MET: variants seen among roughly 807,000 people sequenced by gnomAD.
The protein encoded by MET is hepatocyte growth factor receptor.
MET carries 48 observed loss-of-function variants against 133.1 expected under a neutral mutation model. The observed-to-expected ratio is 0.36, with a 90% CI of 0.29 to 0.46. MET has a LOEUF of 0.46. Among genes scored for constraint, MET ranks in the 20% least tolerant of loss-of-function variants. The probability of loss-of-function intolerance (pLI) is 1.00; values close to 1 mark genes in which losing one functional copy is unlikely to be tolerated. For synonymous variants in MET, 628 were observed against 616.5 expected (o/e 1.02, Z -0.28); for missense variants, 1,442 against 1,695.9 (o/e 0.85, Z 2.63).
Position 116,763,189 on chromosome 7 carries a change from A to G in MET, c.2504A>G (p.Tyr835Cys). The G allele has an allele frequency of 6.2e-7, 1 of 1,614,060 alleles. No homozygotes were observed. Reference protein sequence around the residue: ...GILSKYFDLIYVHNPVFKPFE... With the variant: ...GILSKYFDLICVHNPVFKPFE... ...CTTTCCAAATACTTTGATCTCATTT[A>G]TGTACATAATCCTGTGTTTAAGCCT... is the stretch of plus-strand genomic sequence containing the variant. Residue 835 changes from tyrosine (Y) to cysteine (C), a missense_variant, in exon 11 of 21, where the codon TAT becomes TGT. Tyr to Cys is a radical substitution (Grantham distance 194). Transcript: ENST00000397752.
At chr7:116,723,414 T>G (rs372394766) in intron 2 of MET, among the ~76,000 whole-genome samples, 126 of 151,750 alleles carry the variant, frequency 8.3e-4, no homozygotes, top group African/African-American at 2.8e-3. Flanking sequence ...CAACTTCTTT[T>G]CCTTTGGTTT....
chr7:116,712,932 C>G (rs559799281), intron 2 of MET, among the ~76,000 whole-genome samples: 2 of 152,150 alleles, frequency 1.3e-5, no homozygotes, highest in African/African-American at 4.8e-5. Flanking sequence ...CAGCACTCAC[C>G]CTTTGAGCGG....
At chr7:116,698,341 T>C (rs1797039684) in intron 1 of MET, among the ~76,000 whole-genome samples, 1 of 152,214 alleles carries the variant, frequency 6.6e-6, no homozygotes, top group Admixed American at 6.5e-5. Context: ...TGTTTTTCCC[T>C]GAGAAGTAGT....
intron 19 of MET, among the ~76,000 whole-genome samples, chr7:116,787,992 C>T (rs1795370327): frequency 6.6e-6 from 1 of 151,996 alleles, no homozygotes; most frequent in Admixed American, 6.6e-5. Context: ...CTAAACCATT[C>T]ATCAACATAA....
chr7:116,684,477 C>T (rs38846), intron 1 of MET, among the ~76,000 whole-genome samples: 124,842 of 152,182 alleles, frequency 0.82, 51,373 homozygotes, highest in East Asian at 0.97. Flanking sequence ...AAGGGGAAGA[C>T]AGGTTTGATG....
intron 12 of MET, 140 bp from the exon 13 acceptor site, chr7:116,771,358 T>A: frequency 2.2e-6 from 2 of 921,302 alleles, no homozygotes; most frequent in South Asian, 2.8e-5. Context: ...TTGAGGAATC[T>A]CTTATTATCC....
chr7:116,778,862 C>T lies in MET; in HGVS notation c.3427C>T (p.Leu1143=), dbSNP rs774334135. The T allele has an allele frequency of 3.1e-5, 50 of 1,613,942 alleles. No homozygotes were observed. In the Admixed American group the frequency reaches 8.3e-4, roughly 27 times the overall value. ...TAGTCATCCCAATGTCCTCTCGCTC[C>T]TGGGAATCTGCCTGCGAAGTGAAGG... ...DFSHPNVLSL[L]GICLRSEGSP... Residue 1143 remains leucine, a synonymous_variant, in exon 17 of 21, where the codon CTG becomes TTG. Coordinates refer to ENST00000397752, the MANE Select transcript of MET (RefSeq NM_000245.4).
At chr7:116,729,574 CT>C (rs1294565381) in intron 2 of MET, among the ~76,000 whole-genome samples, 3 of 152,160 alleles carry the variant, frequency 2.0e-5, no homozygotes, top group Non-Finnish European at 4.4e-5. Flanking sequence ...TAGAGAATTT[CT>C]TACTTCCTAA....
At chr7:116,741,067 G>GTTTTTTTTTTTTTTTTGTT in intron 5 of MET, 42 bp downstream of exon 5, 1 of 1,348,786 alleles carries the variant, frequency 7.4e-7, no homozygotes, top group Non-Finnish European at 1.0e-6. Context: ...TTTGTTTGGT[G>GTTTTTTTTTTTTTTTTGTT]TTTTTTTTTT....
In MET at chr7:116,699,139, G is replaced by C. The variant is rs1486187704; in HGVS notation, c.55G>C (p.Val19Leu). ...PGILVLLFTL[V>L]QRSNGECKEA... Reference sequence around the variant, plus strand: ...CATCCTCGTGCTCCTGTTTACCTTGGTGCAGAGGAGCAATGGGGAGTGTAA... The same window carrying C: ...CATCCTCGTGCTCCTGTTTACCTTGCTGCAGAGGAGCAATGGGGAGTGTAA... The change falls in exon 2 of 21, where the codon GTG becomes CTG. Residue 19 changes from valine (V) to leucine (L), a missense_variant. Val to Leu is a conservative substitution (Grantham distance 32). This residue lies in a region of MET where 762 missense variants were observed against 792.4 expected (regional missense o/e 0.96). Coordinates refer to ENST00000397752, the MANE Select transcript of MET (RefSeq NM_000245.4). The C allele has an allele frequency of 1.2e-6, 2 of 1,613,878 alleles. No homozygotes were observed. The highest frequency in any genetic ancestry group is 1.7e-6 in the Non-Finnish European group (2 of 1,179,888).
At position 116,797,312 on chromosome 7, in the gene MET, A is replaced by C. The variant is rs1483893840; in HGVS notation, c.*1188A>C. On this transcript the variant is annotated 3_prime_UTR_variant, in exon 21 of 21. Coordinates refer to ENST00000397752, the MANE Select transcript of MET (RefSeq NM_000245.4). The stretch of plus-strand genomic sequence containing the variant: ...ATCACAGCTCATAGGTAGAGCAAAG[A>C]AAGGGTGGATGGATTGAAAAGATTA... 1 of 227,162 alleles carries C rather than the reference A, an allele frequency of 4.4e-6. No homozygotes were observed. The highest frequency in any genetic ancestry group is 8.7e-6 in the Non-Finnish European group (1 of 114,468). The allele number at this position is 227,162 out of a possible 1,614,324, so 14.1% of individuals were successfully genotyped here. A position where few individuals can be genotyped will look rare whatever the true frequency, so the allele number is the denominator to read the frequency against.
chr7:116,676,989 T>TG (rs762940258), intron 1 of MET, among the ~76,000 whole-genome samples: 1 of 36,632 alleles, frequency 2.7e-5, no homozygotes, highest in Non-Finnish European at 1.4e-4. Context: ...TGTTGTTTTG[T>TG]TTTTTTTTTT....
At chr7:116,690,009 G>A (rs1006899382) in intron 1 of MET, among the ~76,000 whole-genome samples, 5 of 152,134 alleles carry the variant, frequency 3.3e-5, no homozygotes, top group Non-Finnish European at 7.4e-5. Context: ...AAAACCACAA[G>A]ATGGCTAAAG....
intron 2 of MET, among the ~76,000 whole-genome samples, chr7:116,707,840 T>A (rs1470998796): frequency 6.6e-6 from 1 of 152,182 alleles, no homozygotes; most frequent in Non-Finnish European, 1.5e-5. Flanking sequence ...GTGCAATATT[T>A]TCCATTTATC....
At chr7:116,714,745 G>GCGCACACA (rs1792126756) in intron 2 of MET, among the ~76,000 whole-genome samples, 3 of 145,020 alleles carry the variant, frequency 2.1e-5, no homozygotes, top group African/African-American at 7.7e-5. Context: ...TCACATGCAC[G>GCGCACACA]CACACACACA....
intron 10 of MET, among the ~76,000 whole-genome samples, chr7:116,760,933 G>A (rs1047639092): frequency 1.3e-5 from 2 of 152,142 alleles, no homozygotes; most frequent in African/African-American, 4.8e-5. Flanking sequence ...CCACAACTAA[G>A]CATAACAATG....
chr7:116,719,269 T>C (rs1174214230), intron 2 of MET, among the ~76,000 whole-genome samples: 129 of 126,218 alleles, frequency 1.0e-3, no homozygotes, highest in Middle Eastern at 3.6e-3. Context: ...TTTCATGTGT[T>C]TTTTGGCTGC....
chr7:116,757,066 C>T (rs1584940765), intron 6 of MET, among the ~76,000 whole-genome samples: 1 of 137,700 alleles, frequency 7.3e-6, no homozygotes, highest in Non-Finnish European at 1.6e-5. Context: ...CCATCTCTAC[C>T]AAAAAAAAAA....
chr7:116,775,015 C>A lies in MET; in HGVS notation c.3163C>A (p.Leu1055Ile), dbSNP rs1060503534. ...ACTGCAAAATACTGTCCACATTGAC[C>A]TCAGTGCTCTAAATCCAGAGCTGGT... ...PLLQNTVHID[L>I]SALNPELVQA... The change falls in exon 15 of 21, where the codon CTC (leucine) becomes ATC (isoleucine). Residue 1055 changes from leucine (L) to isoleucine (I), a missense_variant. Physicochemically the swap from Leu to Ile is conservative, Grantham distance 5. Transcript: ENST00000397752. 4.3e-6 allele frequency: 7 copies of A among 1,614,216 alleles called. No individual in the cohort carries two copies. Among genetic ancestry groups the A allele is most frequent in the Middle Eastern group, 1.7e-4 (1 of 6,060 alleles).
Sources: gnomAD v4.1 joint callset for allele counts (sites outside exome capture counted in the v4.1 genomes callset) on GRCh38, gnomAD v4.1.1 for gene constraint, gnomAD v4.1.1 regional missense constraint, MANE v1.5 for transcripts, NCBI Gene and HGNC (gene_info 2026-07-23, HGNC 2026-07-21) for gene names.